SLC39A5: variants seen among roughly 807,000 people sequenced by gnomAD.
SLC39A5 encodes solute carrier family 39 member 5.
In SLC39A5, 42 loss-of-function variants were observed where a neutral mutation model predicts 46.9. The observed-to-expected ratio is 0.90, with a 90% CI of 0.70 to 1.16. The LOEUF (loss-of-function observed/expected upper bound fraction) is 1.16, where lower values mean the gene tolerates loss of function less well. Ranked by LOEUF, SLC39A5 falls within the 50% of genes most tolerant of loss-of-function variation. The probability of loss-of-function intolerance (pLI) is 0.00; values close to 1 mark genes in which losing one functional copy is unlikely to be tolerated. For missense variants in SLC39A5, 677 were observed against 686.8 expected (o/e 0.99, Z 0.16); for synonymous variants, 311 against 323.1 (o/e 0.96, Z 0.40).
chr12:56,233,814 G>A (rs1039622494), intron 5 of SLC39A5, among the ~76,000 whole-genome samples: 4 of 152,234 alleles, frequency 2.6e-5, no homozygotes, highest in Non-Finnish European at 5.9e-5. Flanking sequence ...GATGAACATC[G>A]ACAGGGCTGT....
At chr12:56,235,497 A>G in intron 7 of SLC39A5, 63 bp from the exon 8 acceptor site, 1 of 1,570,824 alleles carries the variant, frequency 6.4e-7, no homozygotes, top group Non-Finnish European at 8.6e-7. Context: ...GCCACAATCC[A>G]TGCAAGGGGA....
chr12:56,230,265 C>G lies in SLC39A5; in HGVS notation c.-145C>G, dbSNP rs1472252044. The G allele has an allele frequency of 6.6e-6, 1 of 152,648 alleles. No homozygotes were observed. The highest frequency in any genetic ancestry group is 2.4e-5 in the African/African-American group (1 of 41,434). 9.5% of individuals were successfully genotyped at this position (152,648 alleles called of 1,614,324 possible). A position where few individuals can be genotyped will look rare whatever the true frequency, so the allele number is the denominator to read the frequency against. On this transcript the variant is annotated 5_prime_UTR_variant, in exon 2 of 13. In the 5' UTR this introduces an upstream ATG that the reference lacks. Coordinates refer to ENST00000454355, the MANE Select transcript of SLC39A5 (RefSeq NM_173596.3). ...GGCTTCCCCTTTCTTGGTCATCGATCCCTAGAGCTCTGGCTCTTTCTCTTC... is the reference window on the plus strand; with the variant it reads ...GGCTTCCCCTTTCTTGGTCATCGATGCCTAGAGCTCTGGCTCTTTCTCTTC...
Position 56,230,837 on chromosome 12 carries a change from C to T in SLC39A5, c.-108C>T, listed in dbSNP as rs1180570423. ...TCCCCCTTCCCTGACTCAGGAACTG[C>T]TTAACGTCTACAGCAAGGCCTAATA... On this transcript the variant is annotated 5_prime_UTR_variant, in exon 3 of 13. Transcript: ENST00000454355. 6.3e-6 allele frequency: 1 copy of T among 159,130 alleles called. No individual in the cohort carries two copies. The highest frequency in any genetic ancestry group is 1.8e-4 in the East Asian group (1 of 5,470). The allele number at this position is 159,130 out of a possible 1,614,324, so 9.9% of individuals were successfully genotyped here.
intron 8 of SLC39A5, 71 bp from the exon 9 acceptor site, chr12:56,236,325 T>G: frequency 7.1e-7 from 1 of 1,403,070 alleles, no homozygotes; most frequent in South Asian, 1.2e-5. Context: ...CTTCCCAGCT[T>G]GTGGCCTGGC....
At chr12:56,236,849 C>T (rs537831339) in intron 10 of SLC39A5, 82 bp from the exon 11 acceptor site, 277 of 1,592,724 alleles carry the variant, frequency 1.7e-4, no homozygotes, top group African/African-American at 5.6e-4. Flanking sequence ...GGGGAGAGGA[C>T]GGGAGGACCA....
At chr12:56,235,051 A>T in intron 6 of SLC39A5, 65 bp downstream of exon 6, 1 of 1,601,200 alleles carries the variant, frequency 6.2e-7, no homozygotes. Context: ...GCCAAAAAGG[A>T]GGCTCACTGG....
intron 6 of SLC39A5, 44 bp from the exon 7 acceptor site, chr12:56,235,113 C>T (rs1870605757): frequency 6.4e-7 from 1 of 1,553,224 alleles, no homozygotes; most frequent in Non-Finnish European, 8.7e-7. Flanking sequence ...CGTGTGGGAC[C>T]CTCCTCTTGC....
rs780440918 is a variant in SLC39A5, at chr12:56,232,690, C to T, written c.289C>T (p.Pro97Ser). The change falls in exon 5 of 13, where the codon CCA (proline) becomes TCA (serine). Residue 97 changes from proline to serine, a missense_variant and splice_region_variant. Transcript: ENST00000454355. ...GACTTGCTGTCTCATCCATTCCAGG[C>T]CACAGAACCCTGAGCTGAGTGTGGA... ...SPAADNSTHR[P>S]QNPELSVDVW... is the part of the protein sequence containing the mutation. The T allele has an allele frequency of 1.3e-6, 2 of 1,599,980 alleles. No individual in the cohort carries two copies. Among genetic ancestry groups the T allele is most frequent in the Non-Finnish European group, 8.5e-7 (1 of 1,174,898 alleles).
Position 56,231,348 on chromosome 12 carries a change from C to T in SLC39A5, c.74C>T (p.Ser25Leu). The change falls in exon 4 of 13, where the codon TCA becomes TTA. Residue 25 changes from serine (S) to leucine (L), a missense_variant. Physicochemically the swap from Ser to Leu is moderately radical, Grantham distance 145 (BLOSUM62 -2). Coordinates refer to ENST00000454355, the MANE Select transcript of SLC39A5 (RefSeq NM_173596.3). Reference protein sequence around the residue: ...VWVVLGWVGGSVPNLGPAEQE... With the variant: ...VWVVLGWVGGLVPNLGPAEQE... ...GTCGTCTTGGGCTGGGTAGGGGGCT[C>T]AGTCCCCAACCTGGGCCCTGCTGAG... The T allele has an allele frequency of 1.1e-5, 18 of 1,613,834 alleles. No homozygotes were observed. Among genetic ancestry groups the T allele is most frequent in the Non-Finnish European group, 1.4e-5 (17 of 1,179,974 alleles).
At position 56,234,999 on chromosome 12, in the gene SLC39A5, G is replaced by A; in HGVS notation, c.634+13G>A. On this transcript the variant is annotated intron_variant, in intron 6 of 12. Transcript: ENST00000454355. ...GATCTACTATCTGGTCAGCAAGTAG[G>A]AGTGGGTGGGGGACACCCTGAATCC... 1 of 1,612,476 alleles carries A rather than the reference G, an allele frequency of 6.2e-7. No homozygotes were observed. The highest frequency in any genetic ancestry group is 8.5e-7 in the Non-Finnish European group (1 of 1,179,940).
At position 56,235,262 on chromosome 12, in the gene SLC39A5, G is replaced by T; in HGVS notation, c.740G>T (p.Gly247Val). Residue 247 changes from glycine to valine, a missense_variant, in exon 7 of 13, where the codon GGC becomes GTC. Coordinates refer to ENST00000454355, the MANE Select transcript of SLC39A5 (RefSeq NM_173596.3). Reference sequence around the variant, plus strand: ...CCTCGTCTACTACGGCCCTTGCTGGGCTTCCTGGGGGCCCTGGCGGTGGGC... The same window carrying T: ...CCTCGTCTACTACGGCCCTTGCTGGTCTTCCTGGGGGCCCTGGCGGTGGGC... ...LGPRLLRPLLGFLGALAVGTL... is the reference protein window; with the variant it reads ...LGPRLLRPLLVFLGALAVGTL... The T allele has an allele frequency of 6.4e-7, 1 of 1,574,038 alleles. No individual in the cohort carries two copies. Among genetic ancestry groups the T allele is most frequent in the Non-Finnish European group, 8.6e-7 (1 of 1,163,428 alleles).
chr12:56,235,562 A>C lies in SLC39A5; in HGVS notation c.807A>C (p.Ala269=), dbSNP rs115483407. Residue 269 remains alanine (A), a splice_region_variant and synonymous_variant, in exon 8 of 13, where the codon GCA becomes GCC. Transcript: ENST00000454355. ...TGCCCTGACCTTCTCTCTGTCAGGCACAAGAAGGGCGGCACGCAGGACCTG... is the reference window on the plus strand; with the variant it reads ...TGCCCTGACCTTCTCTCTGTCAGGCCCAAGAAGGGCGGCACGCAGGACCTG... ...GDALLHLLPH[A]QEGRHAGPGG... The C allele has an allele frequency of 2.5e-4, 407 of 1,613,766 alleles. No individual in the cohort carries two copies. In the African/African-American group the frequency reaches 4.1e-3, roughly 16 times the overall value.
intron 4 of SLC39A5, among the ~76,000 whole-genome samples, chr12:56,232,323 G>T (rs1300319422): frequency 6.6e-6 from 1 of 151,524 alleles, no homozygotes; most frequent in Admixed American, 6.6e-5. Context: ...ACACCACCAC[G>T]CCGGGCTAAT....
intron 10 of SLC39A5, 78 bp downstream of exon 10, chr12:56,236,824 G>C: frequency 1.3e-6 from 2 of 1,582,664 alleles, no homozygotes; most frequent in Non-Finnish European, 1.7e-6. Context: ...GCTAGGAGAG[G>C]GCCGTCAGGA....
chr12:56,237,722 T>C lies in SLC39A5; in HGVS notation c.1614T>C (p.Thr538=). 3 of 1,557,134 alleles carry C rather than the reference T, an allele frequency of 1.9e-6. No homozygotes were observed. The highest frequency in any genetic ancestry group is 2.6e-6 in the Non-Finnish European group (3 of 1,153,298). The change falls in exon 13 of 13, where the codon ACT becomes ACC. Residue 538 remains threonine (T), a synonymous_variant. Coordinates refer to ENST00000454355, the MANE Select transcript of SLC39A5 (RefSeq NM_173596.3). ...LLEERLLPVT[T]EG ...AGGAGCGGCTACTGCCCGTGACCAC[T>C]GAGGGCTGATGGGGCCAGTGGAAAG...
chr12:56,234,633 G>T (rs1032926338), intron 5 of SLC39A5, among the ~76,000 whole-genome samples, 191 bp from the exon 6 acceptor site: 1 of 152,012 alleles, frequency 6.6e-6, no homozygotes, highest in Non-Finnish European at 1.5e-5. Context: ...GCTAATTTTT[G>T]TATTTTTAGT....
Position 56,232,789 on chromosome 12 carries a change from C to A in SLC39A5, c.388C>A (p.Arg130Ser), listed in dbSNP as rs76909887. Residue 130 changes from arginine (R) to serine (S), a missense_variant, in exon 5 of 13, where the codon CGT becomes AGT. Coordinates refer to ENST00000454355, the MANE Select transcript of SLC39A5 (RefSeq NM_173596.3). ...AGAGTCAAAGGCCCCTCACCTACCC[C>A]GTGGGCCAGCCCCCTCGGGCCTGGA... is the stretch of plus-strand genomic sequence containing the variant. ...LEESKAPHLP[R>S]GPAPSGLDLL... The A allele has an allele frequency of 4.3e-6, 7 of 1,612,452 alleles. No individual in the cohort carries two copies. In the African/African-American group the frequency reaches 8.0e-5, roughly 18 times the overall value.
At chr12:56,234,600 C>T (rs1255635850) in intron 5 of SLC39A5, among the ~76,000 whole-genome samples, 1 of 152,032 alleles carries the variant, frequency 6.6e-6, no homozygotes, top group Non-Finnish European at 1.5e-5. Context: ...CAGGCGTGAG[C>T]CACCGCACCC....
Position 56,237,782 on chromosome 12 carries a change from G to T in SLC39A5, c.*51G>T. On this transcript the variant is annotated 3_prime_UTR_variant, in exon 13 of 13. Coordinates refer to ENST00000454355, the MANE Select transcript of SLC39A5 (RefSeq NM_173596.3). The stretch of plus-strand genomic sequence containing the variant: ...TGCCCTTCCTTCCCCCCAACCACAG[G>T]AATGGAGGCGGGACACAGGGCCAGT... The T allele has an allele frequency of 6.7e-7, 1 of 1,501,494 alleles. No individual in the cohort carries two copies. 93.0% of individuals were successfully genotyped at this position (1,501,494 alleles called of 1,614,324 possible).
Sources: allele counts gnomAD v4.1 joint callset (sites outside exome capture counted in the v4.1 genomes callset), GRCh38; gene constraint gnomAD v4.1.1; transcripts MANE v1.5; gene names NCBI Gene and HGNC (gene_info 2026-07-23, HGNC 2026-07-21).